Variants in MTMR1 observed in about 807,000 individuals in gnomAD.
The protein encoded by MTMR1 is phosphatidylinositol-3-phosphate phosphatase MTMR1.
In MTMR1, 17 loss-of-function variants were observed where a neutral mutation model predicts 51.6. The observed-to-expected ratio is 0.33, with a 90% CI of 0.23 to 0.49. MTMR1 has a LOEUF of 0.49. MTMR1 is among the 20% of genes least tolerant of loss of function. The pLI is 0.99. For synonymous variants in MTMR1, 201 were observed against 205.6 expected, an observed-to-expected ratio of 0.98 and a Z score of 0.19; for missense variants, 386 against 526.9, an observed-to-expected ratio of 0.73 and a Z score of 2.62.
At chrX:150,703,734 TCTGTAATCTATAGC>T (rs1352904419) in intron 2 of MTMR1, among the ~76,000 whole-genome samples, 1 of 112,015 alleles carries the variant, frequency 8.9e-6, no homozygotes, top group Non-Finnish European at 1.9e-5. Flanking sequence ...AAAATCTACT[TCTGTAATCTATAGC>T]CTGGCCTTGT....
At chrX:150,750,997 G>A (rs782721600) in intron 14 of MTMR1, 154 bp downstream of exon 14, 11 of 1,132,746 alleles carry the variant, frequency 9.7e-6, no homozygotes, top group Admixed American at 5.1e-5. Flanking sequence ...CAGCCCCACC[G>A]CATGTGTCTA....
intron 4 of MTMR1, among the ~76,000 whole-genome samples, chrX:150,722,083 C>G (rs2041769976): frequency 9.0e-6 from 1 of 111,493 alleles, no homozygotes; most frequent in South Asian, 3.7e-4. Flanking sequence ...TGAGTTCTAC[C>G]TTCATTCCTT....
intron 13 of MTMR1, 73 bp from the exon 14 acceptor site, chrX:150,750,657 C>G (rs1387674624): frequency 3.0e-6 from 2 of 671,608 alleles, no homozygotes; most frequent in Non-Finnish European, 4.5e-6. Context: ...GTTTCGCTGT[C>G]TTTCATAAAA....
chrX:150,723,724 C>T (rs782610802), intron 4 of MTMR1, among the ~76,000 whole-genome samples: 109 of 111,928 alleles, frequency 9.7e-4, no homozygotes, highest in African/African-American at 3.4e-3. Flanking sequence ...TCCTCTCCCT[C>T]CTCCCAACCT....
intron 1 of MTMR1, among the ~76,000 whole-genome samples, chrX:150,698,269 G>A (rs1394747244): frequency 9.1e-6 from 1 of 109,920 alleles, no homozygotes; most frequent in Non-Finnish European, 1.9e-5. Flanking sequence ...ACTCCAGCCT[G>A]GGTGACAGAG....
intron 15 of MTMR1, among the ~76,000 whole-genome samples, chrX:150,758,651 T>C (rs1284913139): frequency 9.0e-6 from 1 of 110,545 alleles, no homozygotes; most frequent in Non-Finnish European, 1.9e-5. Flanking sequence ...ATTAGCCAGG[T>C]GTGGTGGTGC....
chrX:150,754,898 G>A (rs973134406), intron 14 of MTMR1, among the ~76,000 whole-genome samples: 5 of 109,831 alleles, frequency 4.6e-5, no homozygotes, highest in Admixed American at 1.9e-4. Flanking sequence ...GGTGGCGTGC[G>A]CCTGTAGTCC....
At position 150,759,838 on chromosome X, in the gene MTMR1, C is replaced by G. The variant is rs782663565; in HGVS notation, c.1858-2727C>G. The stretch of plus-strand genomic sequence containing the variant: ...ACATGATCCCAGTTAACGCTCCCAG[C>G]AATTCCACGACGTAGAGAATGAGGG... On this transcript the variant is annotated intron_variant, in intron 15 of 15. Transcript: ENST00000445323. Among the ~76,000 whole-genome samples, 56 of 109,613 alleles carry G rather than the reference C, an allele frequency of 5.1e-4. 3 individuals carry two copies. The highest frequency in any genetic ancestry group is 9.3e-4 in the Non-Finnish European group (48 of 51,421).
intron 6 of MTMR1, among the ~76,000 whole-genome samples, chrX:150,728,677 C>A (rs1197569733): frequency 9.0e-6 from 1 of 110,610 alleles, no homozygotes; most frequent in Non-Finnish European, 1.9e-5. Flanking sequence ...GTATTTTATT[C>A]CCAGTGACTT....
At chrX:150,738,839 A>G (rs914407955) in intron 12 of MTMR1, among the ~76,000 whole-genome samples, 71 of 112,078 alleles carry the variant, frequency 6.3e-4, no homozygotes, top group African/African-American at 2.1e-3. Context: ...AAGTCACCCT[A>G]TAACAACTTG....
intron 1 of MTMR1, among the ~76,000 whole-genome samples, chrX:150,697,146 A>G (rs146968237): frequency 0.03 from 3,341 of 111,964 alleles, 131 homozygotes; most frequent in African/African-American, 0.1. Flanking sequence ...ATACGTGGGA[A>G]TGAAAGTGAC....
chrX:150,705,393 A>G (rs374338998), intron 2 of MTMR1, among the ~76,000 whole-genome samples: 5 of 112,077 alleles, frequency 4.5e-5, no homozygotes, highest in African/African-American at 1.6e-4. Flanking sequence ...AATGAGAGAA[A>G]TCCCTTCAAA....
intron 14 of MTMR1, among the ~76,000 whole-genome samples, chrX:150,751,589 G>C (rs2042732433): frequency 9.0e-6 from 1 of 111,214 alleles, no homozygotes; most frequent in Non-Finnish European, 1.9e-5. Flanking sequence ...GGCCTCCCCT[G>C]CTCAGTCTCC....
In MTMR1 at chrX:150,764,594, T is replaced by G. The variant is rs782761436; in HGVS notation, c.*1865T>G. 1 of 110,273 alleles carries G rather than the reference T, an allele frequency of 9.1e-6. No homozygotes were observed. Among genetic ancestry groups the G allele is most frequent in the Non-Finnish European group, 1.9e-5 (1 of 52,836 alleles). The allele number at this position is 110,273 out of a possible 1,213,427, so 9.1% of individuals were successfully genotyped here. ...CCTTCGACAAACCAGAGAAGCCAAG[T>G]TGGGGGGAGCTGGTGCCTGGAGTGG... On this transcript the variant is annotated 3_prime_UTR_variant, in exon 16 of 16. Coordinates refer to ENST00000445323, the MANE Select transcript of MTMR1 (RefSeq NM_001306144.3).
In MTMR1 at chrX:150,737,660, C is replaced by G. The variant is rs572883351; in HGVS notation, c.1473+212C>G. On this transcript the variant is annotated intron_variant, in intron 12 of 15. Transcript: ENST00000445323. Reference sequence around the variant, plus strand: ...CGTTTTTATTTTAGTGTATTTATGCCTTTTTAAAAAATTGAGGTAAAATTC... The same window carrying G: ...CGTTTTTATTTTAGTGTATTTATGCGTTTTTAAAAAATTGAGGTAAAATTC... Among the ~76,000 whole-genome samples, 5 of 112,009 alleles carry G rather than the reference C, an allele frequency of 4.5e-5. No homozygotes were observed. The South Asian group carries it at 1.8e-3, about 41-fold the overall frequency.
chrX:150,736,428 G>A, intron 10 of MTMR1, 167 bp from the exon 11 acceptor site: 2 of 425,207 alleles, frequency 4.7e-6, no homozygotes, highest in Non-Finnish European at 7.9e-6. Context: ...TTAAGCCACT[G>A]AGTTTGTGGT....
At chrX:150,749,764 G>C (rs181651783) in intron 13 of MTMR1, among the ~76,000 whole-genome samples, 1 of 112,147 alleles carries the variant, frequency 8.9e-6, no homozygotes, top group East Asian at 2.8e-4. Flanking sequence ...GCTTACATTC[G>C]TAAAGTAAAC....
Position 150,755,920 on chromosome X carries a change from AAAG to A in MTMR1, c.1857+57_1857+59del. Reference sequence around the variant, plus strand: ...AGAGAGTTTGCCTTTTTTTCCAAGTAAAGATGGTGGTATGAAAATGTGTTAATG... The same window carrying A: ...AGAGAGTTTGCCTTTTTTTCCAAGTAATGGTGGTATGAAAATGTGTTAATG... On this transcript the variant is annotated intron_variant, in intron 15 of 15. Transcript: ENST00000445323. 4 of 997,652 alleles carry A rather than the reference AAAG, an allele frequency of 4.0e-6. No individual in the cohort carries two copies. In the South Asian group the frequency reaches 8.2e-5, roughly 20 times the overall value. The allele number at this position is 997,652 out of a possible 1,213,427, so 82.2% of individuals were successfully genotyped here.
intron 14 of MTMR1, among the ~76,000 whole-genome samples, chrX:150,753,367 T>C (rs2042808629): frequency 8.9e-6 from 1 of 112,433 alleles, no homozygotes; most frequent in South Asian, 3.6e-4. Flanking sequence ...TGCCGGGTCA[T>C]GTGGCAATTA....
Sources: gnomAD v4.1 joint callset for allele counts (sites outside exome capture counted in the v4.1 genomes callset) on GRCh38, gnomAD v4.1.1 for gene constraint, MANE v1.5 for transcripts, NCBI Gene and HGNC (gene_info 2026-07-23, HGNC 2026-07-21) for gene names.